NEGR1: variants seen among roughly 807,000 people sequenced by gnomAD.
The protein encoded by NEGR1 is IgLON family member 4.
In NEGR1, 10 loss-of-function variants were observed where a neutral mutation model predicts 40.9. That is an observed-to-expected ratio of 0.24 (90% confidence interval 0.15 to 0.42). The LOEUF is 0.42. Ranked by LOEUF, NEGR1 falls within the 10% of genes least tolerant of loss-of-function variation. The probability of loss-of-function intolerance (pLI) is 1.00; values close to 1 mark genes in which losing one functional copy is unlikely to be tolerated. For missense variants in NEGR1, 352 were observed against 438.9 expected (o/e 0.80, Z 1.77); for synonymous variants, 185 against 166.8 (o/e 1.11, Z -0.84).
At chr1:72,053,394 C>A (rs79836498) in intron 1 of NEGR1, among the ~76,000 whole-genome samples, 1 of 150,488 alleles carries the variant, frequency 6.6e-6, no homozygotes, top group African/African-American at 2.4e-5. Context: ...AATCTGTCAC[C>A]TTTAAATTAC....
At chr1:71,908,479 G>A (rs535962767) in intron 2 of NEGR1, among the ~76,000 whole-genome samples, 26 of 152,222 alleles carry the variant, frequency 1.7e-4, no homozygotes, top group Admixed American at 1.2e-3. Flanking sequence ...AACACTTCAT[G>A]TGTTCCAGGA....
chr1:71,650,316 C>T (rs1651669767), intron 4 of NEGR1, among the ~76,000 whole-genome samples: 2 of 152,076 alleles, frequency 1.3e-5, no homozygotes, highest in Admixed American at 1.3e-4. Context: ...TTATAGCTTA[C>T]ACTATTTATG....
intron 1 of NEGR1, among the ~76,000 whole-genome samples, chr1:71,961,633 T>C (rs1010643321): frequency 2.6e-5 from 4 of 151,736 alleles, no homozygotes; most frequent in Admixed American, 1.3e-4. Context: ...ATAAAAAGAG[T>C]CATGGGAATC....
intron 1 of NEGR1, among the ~76,000 whole-genome samples, chr1:71,967,667 C>T (rs1296493668): frequency 1.3e-5 from 2 of 152,068 alleles, no homozygotes; most frequent in African/African-American, 4.8e-5. Context: ...CACGTACACA[C>T]AAATAAAAAT....
intron 2 of NEGR1, among the ~76,000 whole-genome samples, chr1:71,896,157 C>A (rs867972495): frequency 6.6e-6 from 1 of 151,512 alleles, no homozygotes; most frequent in Non-Finnish European, 1.5e-5. Context: ...CCTGCCTCAG[C>A]CTCTGGAATA....
At chr1:71,472,134 C>T (rs1253829743) in intron 6 of NEGR1, among the ~76,000 whole-genome samples, 1 of 152,072 alleles carries the variant, frequency 6.6e-6, no homozygotes, top group African/African-American at 2.4e-5. Context: ...ATGATCTCTA[C>T]GATCTCTTTG....
intron 6 of NEGR1, among the ~76,000 whole-genome samples, chr1:71,444,238 A>T (rs115848583): frequency 0.016 from 2,429 of 152,266 alleles, 23 homozygotes; most frequent in African/African-American, 0.02. Context: ...AAATATTTTT[A>T]AAAAAGCCTT....
chr1:71,513,285 C>A (rs1347196486), intron 6 of NEGR1, among the ~76,000 whole-genome samples: 2 of 152,194 alleles, frequency 1.3e-5, no homozygotes, highest in Admixed American at 1.3e-4. Context: ...TCTACCCCTA[C>A]CTCCACCTCT....
intron 3 of NEGR1, among the ~76,000 whole-genome samples, chr1:71,719,100 C>T (rs1361554547): frequency 6.6e-6 from 1 of 152,058 alleles, no homozygotes; most frequent in Non-Finnish European, 1.5e-5. Flanking sequence ...GGAAAGAGTT[C>T]TACAGCACTT....
chr1:71,519,675 C>T (rs1255286093), intron 6 of NEGR1, among the ~76,000 whole-genome samples: 8 of 129,666 alleles, frequency 6.2e-5, no homozygotes, highest in Non-Finnish European at 1.3e-4. Flanking sequence ...CACATGTATA[C>T]ATATGTAACT....
At chr1:71,758,989 A>C (rs1655839885) in intron 3 of NEGR1, among the ~76,000 whole-genome samples, 1 of 152,302 alleles carries the variant, frequency 6.6e-6, no homozygotes, top group Non-Finnish European at 1.5e-5. Context: ...AATTAACATC[A>C]TGCTGTTTTT....
chr1:72,088,112 C>G (rs1022351956), intron 1 of NEGR1, among the ~76,000 whole-genome samples: 4 of 152,124 alleles, frequency 2.6e-5, no homozygotes, highest in Non-Finnish European at 5.9e-5. Flanking sequence ...ATTAGTGTAA[C>G]CTGGGTCTTT....
At chr1:71,510,826 T>A (rs1008879241) in intron 6 of NEGR1, among the ~76,000 whole-genome samples, 5 of 152,200 alleles carry the variant, frequency 3.3e-5, no homozygotes, top group African/African-American at 1.2e-4. Flanking sequence ...TGTCTCCAGG[T>A]CCATTCTTTG....
At chr1:71,882,785 A>T (rs981215390) in intron 2 of NEGR1, among the ~76,000 whole-genome samples, 2 of 150,692 alleles carry the variant, frequency 1.3e-5, no homozygotes, top group South Asian at 4.2e-4. Flanking sequence ...AGTAGTTCTC[A>T]GTCTATATGT....
At chr1:71,853,133 T>TATATCTATTTTATTCA (rs1454659908) in intron 2 of NEGR1, among the ~76,000 whole-genome samples, 85 of 151,838 alleles carry the variant, frequency 5.6e-4, no homozygotes, top group Admixed American at 7.9e-4. Context: ...TATTATATTC[T>TATATCTATTTTATTCA]TATATCTATT....
intron 2 of NEGR1, among the ~76,000 whole-genome samples, chr1:71,883,799 C>T (rs1355510663): frequency 7.0e-6 from 1 of 142,868 alleles, no homozygotes; most frequent in African/African-American, 2.6e-5. Flanking sequence ...TTGTTCAATT[C>T]CCACCCATGA....
At chr1:71,623,582 T>C (rs1417286522) in intron 4 of NEGR1, among the ~76,000 whole-genome samples, 1 of 149,916 alleles carries the variant, frequency 6.7e-6, no homozygotes, top group Non-Finnish European at 1.5e-5. Context: ...AAAAACATAG[T>C]TTTGGACACT....
chr1:72,029,273 A>G (rs1471549916), intron 1 of NEGR1, among the ~76,000 whole-genome samples: 1 of 152,172 alleles, frequency 6.6e-6, no homozygotes, highest in Non-Finnish European at 1.5e-5. Context: ...TGAGCCCAGG[A>G]GTTCAAGATC....
At chr1:71,671,941 C>T (rs1652451223) in intron 4 of NEGR1, among the ~76,000 whole-genome samples, 1 of 142,482 alleles carries the variant, frequency 7.0e-6, no homozygotes, top group South Asian at 2.2e-4. Flanking sequence ...ATTCTATTGC[C>T]TAGGCTGGTC....
Sources: allele counts gnomAD v4.1 joint callset (sites outside exome capture counted in the v4.1 genomes callset), GRCh38; gene constraint gnomAD v4.1.1; transcripts MANE v1.5; gene names NCBI Gene and HGNC (gene_info 2026-07-23, HGNC 2026-07-21).